The following MTFR1 variants were observed in gnomAD, a reference collection of about 807,000 sequenced individuals.
MTFR1 encodes mitochondrial fission regulator 1.
A neutral mutation model predicts 38.8 loss-of-function variants in MTFR1; 28 were observed. The ratio of observed to expected loss-of-function variants is 0.72; its 90% confidence interval spans 0.53 to 0.99. The LOEUF (loss-of-function observed/expected upper bound fraction) is 0.99. Ranked by LOEUF, MTFR1 falls within the 50% of genes least tolerant of loss-of-function variation. The pLI is 0.00. For synonymous variants in MTFR1, 145 were observed against 137.0 expected, an observed-to-expected ratio of 1.06 and a Z score of -0.41; for missense variants, 358 against 395.5, an observed-to-expected ratio of 0.91 and a Z score of 0.81.
At chr8:65,695,277 A>G (rs1015181145) in intron 4 of MTFR1, among the ~76,000 whole-genome samples, 1 of 152,218 alleles carries the variant, frequency 6.6e-6, no homozygotes, top group Non-Finnish European at 1.5e-5. Context: ...GGAAGAGCCT[A>G]CGTAGTCAGA....
chr8:65,772,189 G>C (rs1258387614), downstream of MTFR1, among the ~76,000 whole-genome samples: 1 of 152,238 alleles, frequency 6.6e-6, no homozygotes, highest in Non-Finnish European at 1.5e-5. Context: ...CAGAAAATAA[G>C]TGGGTTGAGG....
At chr8:65,727,763 C>T (rs552864911) in intron 3 of MTFR1, 50 of 153,386 alleles carry the variant, frequency 3.3e-4, no homozygotes, top group African/African-American at 1.1e-3. Flanking sequence ...AAGGTTATTC[C>T]TTTAGTCCTG....
At chr8:65,681,222 C>A (rs1804877990) in intron 2 of MTFR1, among the ~76,000 whole-genome samples, 1 of 152,008 alleles carries the variant, frequency 6.6e-6, no homozygotes, top group Non-Finnish European at 1.5e-5. Flanking sequence ...TGGGTTCAAG[C>A]AGTTCTCATG....
intron 3 of MTFR1, among the ~76,000 whole-genome samples, chr8:65,746,808 ATTTCT>A (rs1400908938): frequency 6.6e-6 from 1 of 152,144 alleles, no homozygotes; most frequent in African/African-American, 2.4e-5. Flanking sequence ...CTTTCCACTG[ATTTCT>A]TTTACTAAAC....
chr8:65,713,763 A>G (rs532987824), downstream of MTFR1, among the ~76,000 whole-genome samples: 33 of 152,296 alleles, frequency 2.2e-4, no homozygotes, highest in African/African-American at 7.7e-4. Flanking sequence ...AGCTCATTGT[A>G]ACCTCTGCCT....
chr8:65,765,030 A>G (rs1306127097), intron 3 of MTFR1, among the ~76,000 whole-genome samples: 1 of 152,230 alleles, frequency 6.6e-6, no homozygotes, highest in Non-Finnish European at 1.5e-5. Context: ...AAATATACTC[A>G]GTCTCTACTA....
Position 65,709,250 on chromosome 8 carries a change from ATG to A in MTFR1, c.*212_*213del, listed in dbSNP as rs1805874514. 1.9e-6 allele frequency: 1 copy of A among 536,620 alleles called. No homozygotes were observed. The highest frequency in any genetic ancestry group is 1.9e-5 in the African/African-American group (1 of 53,030). The allele number at this position is 536,620 out of a possible 1,614,324, so 33.2% of individuals were successfully genotyped here. A position where few individuals can be genotyped will look rare whatever the true frequency, so the allele number is the denominator to read the frequency against. ...GGTCAGCTTTGGTGCTCTCCACAAC[ATG>A]TGTGTTCTGACATGTTTCTAATATG... On this transcript the variant is annotated 3_prime_UTR_variant, in exon 8 of 8. Transcript: ENST00000262146.
At chr8:65,731,109 T>C (rs778854983) in intron 3 of MTFR1, among the ~76,000 whole-genome samples, 1 of 152,234 alleles carries the variant, frequency 6.6e-6, no homozygotes, top group Non-Finnish European at 1.5e-5. Flanking sequence ...ATTCCTGCCC[T>C]GGAGGCCTGA....
Position 65,706,984 on chromosome 8 carries a change from A to C in MTFR1, c.518-26A>C, listed in dbSNP as rs757492154. ...TTCTTTGCTTAATACCAGTGGGATT[A>C]AGTTTGTTTTCCTTTGTTTCTGTAG... On this transcript the variant is annotated intron_variant, in intron 5 of 7. Transcript: ENST00000262146. 9 of 1,558,668 alleles carry C rather than the reference A, an allele frequency of 5.8e-6. No individual in the cohort carries two copies. The East Asian group carries it at 1.6e-4, about 27-fold the overall frequency.
At chr8:65,720,841 T>C (rs1308958562) in intron 3 of MTFR1, among the ~76,000 whole-genome samples, 1 of 152,208 alleles carries the variant, frequency 6.6e-6, no homozygotes, top group Non-Finnish European at 1.5e-5. Flanking sequence ...CAGTGTTATG[T>C]TGAGCCAGCC....
chr8:65,716,060 A>T (rs1806127818), intron 2 of MTFR1, among the ~76,000 whole-genome samples: 1 of 133,470 alleles, frequency 7.5e-6, no homozygotes, highest in Non-Finnish European at 1.6e-5. Context: ...CAGGAGGCTG[A>T]GGTGGGAGGA....
At chr8:65,727,467 G>T in intron 3 of MTFR1, 1 of 876,312 alleles carries the variant, frequency 1.1e-6, no homozygotes. Flanking sequence ...CATCTGCCAG[G>T]TCCTGATCTC....
intron 4 of MTFR1, among the ~76,000 whole-genome samples, chr8:65,694,391 T>C (rs1306229939): frequency 6.6e-6 from 1 of 151,990 alleles, no homozygotes; most frequent in African/African-American, 2.4e-5. Context: ...TTACTTTTTT[T>C]GTAGAGATGA....
In MTFR1 at chr8:65,736,790, GT is replaced by G. The variant is rs34814975; in HGVS notation, c.*48+17326del. On this transcript the variant is annotated intron_variant, in intron 3 of 3. Transcript: ENST00000521247. ...AAAGCCCTATGTAATAAATTTATCT[GT>G]TTTTTTTTTTTTTTTTGCCAGAGTT... Among the ~76,000 whole-genome samples, 391 of 128,764 alleles carry G rather than the reference GT, an allele frequency of 3.0e-3. 3 individuals are homozygous for G. In the South Asian group the frequency reaches 0.033, roughly 11 times the overall value. 84.5% of individuals were successfully genotyped at this position (128,764 alleles called of 152,430 possible). A position where few individuals can be genotyped will look rare whatever the true frequency, so the allele number is the denominator to read the frequency against.
In MTFR1 at chr8:65,760,195, G is replaced by A. The variant is rs1012527573; in HGVS notation, c.*49-10752G>A. Among the ~76,000 whole-genome samples the A allele has an allele frequency of 4.6e-5, 7 of 152,198 alleles. No homozygotes were observed. The East Asian group carries it at 5.8e-4, about 13-fold the overall frequency. The stretch of plus-strand genomic sequence containing the variant: ...GTAGAGGTTGCAGTGAGCTAAGATC[G>A]TGCTACTGCACTCCAGCCTGGGCAA... On this transcript the variant is annotated intron_variant, in intron 3 of 3. Transcript: ENST00000521247.
At chr8:65,705,934 G>A (rs756123984) in intron 5 of MTFR1, among the ~76,000 whole-genome samples, 3 of 152,176 alleles carry the variant, frequency 2.0e-5, no homozygotes, top group African/African-American at 4.8e-5. Flanking sequence ...TAACCTATTG[G>A]CAAGTAGTGG....
At chr8:65,737,703 G>A (rs1021358463) in intron 3 of MTFR1, among the ~76,000 whole-genome samples, 4 of 152,096 alleles carry the variant, frequency 2.6e-5, no homozygotes, top group African/African-American at 9.7e-5. Context: ...ATTTTTAGTA[G>A]AGACGGGGTT....
chr8:65,647,027 C>T (rs1162704241), intron 1 of MTFR1, among the ~76,000 whole-genome samples: 2 of 152,270 alleles, frequency 1.3e-5, no homozygotes, highest in African/African-American at 4.8e-5. Flanking sequence ...GGTCAGAATC[C>T]TTTGTGAAGG....
intron 2 of MTFR1, among the ~76,000 whole-genome samples, chr8:65,716,486 G>T (rs1176653525): frequency 6.6e-6 from 1 of 152,114 alleles, no homozygotes; most frequent in Non-Finnish European, 1.5e-5. Context: ...TCCAGGGGAA[G>T]AGGGTACCCT....
Sources: gnomAD v4.1 joint callset for allele counts (sites outside exome capture counted in the v4.1 genomes callset) on GRCh38, gnomAD v4.1.1 for gene constraint, MANE v1.5 for transcripts, NCBI Gene and HGNC (gene_info 2026-07-23, HGNC 2026-07-21) for gene names.